CHODL: variants seen among roughly 807,000 people sequenced by gnomAD.
CHODL encodes the protein chondrolectin.
In CHODL, 29 loss-of-function variants were observed where a neutral mutation model predicts 34.5. That is an observed-to-expected ratio of 0.84 (90% CI 0.63 to 1.15). CHODL has a LOEUF of 1.15. Among genes scored for constraint, CHODL ranks in the 50% most tolerant of loss-of-function variants. The pLI is 0.00. For synonymous variants in CHODL, 125 were observed against 116.1 expected (o/e 1.08, Z -0.49); for missense variants, 332 against 332.5 (o/e 1.00, Z 0.01).
At chr21:18,262,404 T>G (rs2074393222) in intron 4 of CHODL, among the ~76,000 whole-genome samples, 1 of 152,176 alleles carries the variant, frequency 6.6e-6, no homozygotes, top group African/African-American at 2.4e-5. Flanking sequence ...CTATTACTTC[T>G]AGGCTACAAA....
chr21:17,934,898 C>T (rs563055626), intron 1 of CHODL, among the ~76,000 whole-genome samples: 1 of 152,168 alleles, frequency 6.6e-6, no homozygotes, highest in African/African-American at 2.4e-5. Context: ...GAAGTTAGGC[C>T]AATAGACACC....
At chr21:18,040,606 A>G (rs157745) in intron 2 of CHODL, among the ~76,000 whole-genome samples, 98,193 of 151,606 alleles carry the variant, frequency 0.65, 32,414 homozygotes, top group African/African-American at 0.73. Context: ...TGTAACAAAA[A>G]GCTTCTTAAT....
intron 2 of CHODL, among the ~76,000 whole-genome samples, chr21:18,162,242 C>T (rs1019680598): frequency 6.6e-6 from 1 of 152,078 alleles, no homozygotes; most frequent in Non-Finnish European, 1.5e-5. Context: ...GTTACGGAGG[C>T]TAAAAGCCCA....
At chr21:17,967,984 T>TAA (rs2063586294) in intron 1 of CHODL, among the ~76,000 whole-genome samples, 1 of 152,220 alleles carries the variant, frequency 6.6e-6, no homozygotes, top group Admixed American at 6.5e-5. Context: ...ATGGTCTCTA[T>TAA]TAAAACAATG....
At chr21:18,077,347 G>A (rs900919060) in intron 2 of CHODL, among the ~76,000 whole-genome samples, 2 of 152,142 alleles carry the variant, frequency 1.3e-5, no homozygotes, top group South Asian at 2.1e-4. Flanking sequence ...TCTGATTTAA[G>A]TAATATTTAT....
chr21:18,006,092 G>A (rs1367850939), intron 1 of CHODL, among the ~76,000 whole-genome samples: 1 of 152,094 alleles, frequency 6.6e-6, no homozygotes, highest in African/African-American at 2.4e-5. Context: ...TCTGCCTGCC[G>A]CCATCCACGC....
At chr21:18,245,385 G>T (rs1488576943) in intron 1 of CHODL, 83 bp downstream of exon 1, 1 of 1,205,888 alleles carries the variant, frequency 8.3e-7, no homozygotes, top group East Asian at 2.9e-5. Context: ...TCGGGCGGAG[G>T]CTCTCCGGGG....
At chr21:17,965,631 T>C (rs2063566069) in intron 1 of CHODL, among the ~76,000 whole-genome samples, 1 of 152,224 alleles carries the variant, frequency 6.6e-6, no homozygotes, top group Non-Finnish European at 1.5e-5. Context: ...TCTTGTCTTA[T>C]AGATGATTTC....
At chr21:18,148,938 C>T (rs1435148561) in intron 2 of CHODL, among the ~76,000 whole-genome samples, 3 of 150,392 alleles carry the variant, frequency 2.0e-5, no homozygotes, top group Admixed American at 1.3e-4. Context: ...GTTTGCTAAC[C>T]ATGGGATAAA....
At chr21:18,147,797 T>C (rs972498532) in intron 2 of CHODL, among the ~76,000 whole-genome samples, 2 of 152,206 alleles carry the variant, frequency 1.3e-5, no homozygotes, top group African/African-American at 4.8e-5. Context: ...GTTTCTCCCT[T>C]CATTGTTTTG....
At chr21:18,158,502 A>G (rs1427589690) in intron 2 of CHODL, among the ~76,000 whole-genome samples, 2 of 152,186 alleles carry the variant, frequency 1.3e-5, no homozygotes, top group Non-Finnish European at 1.5e-5. Context: ...CATTTTACCT[A>G]TATTCTTAAG....
At chr21:18,167,046 T>C (rs2073162168) in intron 2 of CHODL, among the ~76,000 whole-genome samples, 1 of 152,178 alleles carries the variant, frequency 6.6e-6, no homozygotes. Flanking sequence ...ACAACTTGTT[T>C]TGTTTTTCTA....
chr21:18,027,957 C>A (rs1377851093), exon 2 of CHODL: 1 of 152,600 alleles, frequency 6.6e-6, no homozygotes, highest in African/African-American at 2.4e-5. Context: ...TTCTGAACTT[C>A]TAGCCTCCAG....
intron 2 of CHODL, among the ~76,000 whole-genome samples, chr21:18,085,293 A>G (rs1421505058): frequency 6.6e-6 from 1 of 152,110 alleles, no homozygotes; most frequent in African/African-American, 2.4e-5. Flanking sequence ...CAAGGTTAAT[A>G]TTAACAGGTG....
At chr21:18,250,626 A>G (rs996836007) in intron 1 of CHODL, among the ~76,000 whole-genome samples, 1 of 152,050 alleles carries the variant, frequency 6.6e-6, no homozygotes, top group Admixed American at 6.6e-5. Flanking sequence ...TGCTGAACGC[A>G]GAACACTTGA....
intron 5 of CHODL, among the ~76,000 whole-genome samples, chr21:18,265,269 ATATG>A (rs1260358485): frequency 1.5e-5 from 2 of 130,586 alleles, no homozygotes; most frequent in Non-Finnish European, 3.2e-5. Context: ...GTGTATATAT[ATATG>A]TGTGTGTATA....
chr21:18,004,966 A>C (rs1251610324), intron 1 of CHODL, among the ~76,000 whole-genome samples: 1 of 152,230 alleles, frequency 6.6e-6, no homozygotes, highest in African/African-American at 2.4e-5. Flanking sequence ...TGGTATGCTT[A>C]TTAGTTGCCA....
intron 2 of CHODL, among the ~76,000 whole-genome samples, chr21:18,232,919 T>C (rs907419712): frequency 1.3e-4 from 18 of 137,442 alleles, no homozygotes; most frequent in Non-Finnish European, 2.3e-4. Flanking sequence ...GTCCATATAA[T>C]TATGGGGTCC....
At chr21:18,070,004 C>CTTCCCTTCCCTTCCCTTCCT (rs2064778782) in intron 2 of CHODL, among the ~76,000 whole-genome samples, 1 of 74,320 alleles carries the variant, frequency 1.3e-5, no homozygotes, top group African/African-American at 4.1e-5. Flanking sequence ...CTTCCCTTCC[C>CTTCCCTTCCCTTCCCTTCCT]TTCCCTTCCC....
Sources: allele counts gnomAD v4.1 joint callset (sites outside exome capture counted in the v4.1 genomes callset), GRCh38; gene constraint gnomAD v4.1.1; transcripts MANE v1.5; gene names NCBI Gene and HGNC (gene_info 2026-07-23, HGNC 2026-07-21).